Variants in MAP4K3 observed in about 807,000 individuals in gnomAD.
The protein encoded by MAP4K3 is mitogen-activated protein kinase kinase kinase kinase 3, also known as MAPK/ERK kinase kinase kinase 3.
Under a neutral mutation model 143.5 loss-of-function variants are expected in MAP4K3, and 94 were observed. The observed-to-expected ratio is 0.65, with a 90% CI of 0.55 to 0.78. The LOEUF (loss-of-function observed/expected upper bound fraction) is 0.78. Ranked by LOEUF, MAP4K3 falls within the 30% of genes least tolerant of loss-of-function variation. The pLI is 0.00. For synonymous variants in MAP4K3, 416 were observed against 347.2 expected, an observed-to-expected ratio of 1.20 and a Z score of -2.20; for missense variants, 1,077 against 1,068.1, an observed-to-expected ratio of 1.01 and a Z score of -0.12.
chr2:39,437,260 C>T lies in MAP4K3; in HGVS notation c.-273G>A, dbSNP rs1010713418. 3.9e-6 allele frequency: 1 copy of T among 257,238 alleles called. No individual in the cohort carries two copies. The highest frequency in any genetic ancestry group is 7.3e-6 in the Non-Finnish European group (1 of 136,328). The allele number at this position is 257,238 out of a possible 1,614,324, so 15.9% of individuals were successfully genotyped here. A position where few individuals can be genotyped will look rare whatever the true frequency, so the allele number is the denominator to read the frequency against. On this transcript the variant is annotated 5_prime_UTR_variant, in exon 1 of 34. Coordinates refer to ENST00000263881, the MANE Select transcript of MAP4K3 (RefSeq NM_003618.4). The stretch of plus-strand genomic sequence containing the variant: ...AGGAGAACCCTCGCAGCCCCTCGCT[C>T]GGGGTGAAACTCCAACATGGCTTCC...
At chr2:39,379,949 C>T (rs998629173) in intron 1 of MAP4K3, 4 of 155,334 alleles carry the variant, frequency 2.6e-5, no homozygotes, top group African/African-American at 9.7e-5. Context: ...GATTTACTAA[C>T]ACCAGCATAT....
chr2:39,352,078 G>C (rs1395300783), intron 3 of MAP4K3, among the ~76,000 whole-genome samples: 1 of 152,292 alleles, frequency 6.6e-6, no homozygotes, highest in African/African-American at 2.4e-5. Flanking sequence ...GGCTCACAAG[G>C]TCAGGAGTTA....
At chr2:39,304,737 C>A (rs1682636992) in intron 15 of MAP4K3, among the ~76,000 whole-genome samples, 1 of 152,146 alleles carries the variant, frequency 6.6e-6, no homozygotes, top group South Asian at 2.1e-4. Context: ...AGCAGGGACT[C>A]AAACAGATAT....
rs764471235 is a variant in MAP4K3, at chr2:39,349,233, CTTAT to C, written c.246-5785_246-5782del. Among the ~76,000 whole-genome samples, 45 of 152,224 alleles carry C rather than the reference CTTAT, an allele frequency of 3.0e-4. 1 individual carries two copies. In the East Asian group the frequency reaches 3.1e-3, roughly 10 times the overall value. ...CTGCTAGATGTTTTAATATAAATAA[CTTAT>C]TTAACGTGAAGAAAATTTTTAAACT... On this transcript the variant is annotated intron_variant, in intron 3 of 33. Coordinates refer to ENST00000263881, the MANE Select transcript of MAP4K3 (RefSeq NM_003618.4).
chr2:39,313,480 T>TC (rs889470427), intron 13 of MAP4K3, among the ~76,000 whole-genome samples: 4 of 152,052 alleles, frequency 2.6e-5, no homozygotes, highest in Non-Finnish European at 5.9e-5. Flanking sequence ...CCTTCCTTTC[T>TC]TTTTCTTTTC....
chr2:39,292,691 C>A lies in MAP4K3; in HGVS notation c.1271+82G>T, dbSNP rs555812138. On this transcript the variant is annotated intron_variant, in intron 18 of 33. Coordinates refer to ENST00000263881, the MANE Select transcript of MAP4K3 (RefSeq NM_003618.4). ...TATTGTGTTACTGATATTGAAATTT[C>A]CATCAATATTAAGCTGCCAGATTGA... 2.8e-6 allele frequency: 3 copies of A among 1,071,936 alleles called. No individual in the cohort carries two copies. The African/African-American group carries it at 4.7e-5, about 17-fold the overall frequency. The allele number at this position is 1,071,936 out of a possible 1,614,324, so 66.4% of individuals were successfully genotyped here.
chr2:39,257,108 C>T (rs746228478), intron 31 of MAP4K3, among the ~76,000 whole-genome samples: 2 of 152,178 alleles, frequency 1.3e-5, no homozygotes, highest in Non-Finnish European at 2.9e-5. Flanking sequence ...AGGAATAAGA[C>T]AATGAACTAA....
intron 2 of MAP4K3, among the ~76,000 whole-genome samples, chr2:39,366,774 C>T (rs909853463): frequency 2.0e-5 from 3 of 152,170 alleles, no homozygotes; most frequent in African/African-American, 7.2e-5. Flanking sequence ...CTCTGAAACA[C>T]TATATTAAAT....
chr2:39,375,854 G>A (rs1331183226), intron 2 of MAP4K3, among the ~76,000 whole-genome samples: 7 of 152,188 alleles, frequency 4.6e-5, no homozygotes, highest in African/African-American at 1.2e-4. Flanking sequence ...AGTTTTGTGT[G>A]TCTAGCTCCT....
chr2:39,424,559 G>C (rs1358993698), intron 1 of MAP4K3, among the ~76,000 whole-genome samples: 1 of 152,088 alleles, frequency 6.6e-6, no homozygotes, highest in Non-Finnish European at 1.5e-5. Flanking sequence ...GCCAGGCGCA[G>C]TGGCTCAAGC....
At chr2:39,280,420 G>T (rs1008972210) in intron 22 of MAP4K3, 64 bp from the exon 23 acceptor site, 23 of 891,500 alleles carry the variant, frequency 2.6e-5, no homozygotes, top group Non-Finnish European at 3.7e-5. Context: ...TATATAAAAT[G>T]TAACTATTAT....
At chr2:39,361,324 A>C (rs1665764404) in intron 2 of MAP4K3, among the ~76,000 whole-genome samples, 1 of 152,022 alleles carries the variant, frequency 6.6e-6, no homozygotes, top group African/African-American at 2.4e-5. Flanking sequence ...ATTTTTCCCC[A>C]TGTACCACAC....
At chr2:39,390,122 A>G (rs1444418334) in intron 1 of MAP4K3, among the ~76,000 whole-genome samples, 1 of 152,212 alleles carries the variant, frequency 6.6e-6, no homozygotes, top group Non-Finnish European at 1.5e-5. Context: ...TACTAACCCC[A>G]TAAAAATGGA....
intron 8 of MAP4K3, among the ~76,000 whole-genome samples, chr2:39,328,834 A>C (rs1356465101): frequency 6.6e-6 from 1 of 152,224 alleles, no homozygotes; most frequent in South Asian, 2.1e-4. Context: ...CCTTGATTCT[A>C]TATCAAAAGA....
intron 15 of MAP4K3, among the ~76,000 whole-genome samples, chr2:39,302,473 G>A (rs1281261844): frequency 6.6e-6 from 1 of 152,108 alleles, no homozygotes; most frequent in Non-Finnish European, 1.5e-5. Flanking sequence ...GAAATAAAAA[G>A]GAAAGGAACA....
At chr2:39,296,968 AAGCC>A (rs1682306880) in intron 16 of MAP4K3, among the ~76,000 whole-genome samples, 1 of 152,200 alleles carries the variant, frequency 6.6e-6, no homozygotes, top group African/African-American at 2.4e-5. Context: ...CTTATAGGAA[AAGCC>A]ATCTGGCATT....
In MAP4K3 at chr2:39,385,879, G is replaced by A. The variant is rs907109936; in HGVS notation, c.97-7756C>T. Among the ~76,000 whole-genome samples, 11 of 151,984 alleles carry A rather than the reference G, an allele frequency of 7.2e-5. No homozygotes were observed. In the East Asian group the frequency reaches 1.7e-3, roughly 24 times the overall value. On this transcript the variant is annotated intron_variant, in intron 1 of 33. Coordinates refer to ENST00000263881, the MANE Select transcript of MAP4K3 (RefSeq NM_003618.4). ...ACTCCTGACGTCAGGTGATCCACCC[G>A]TCTTGGCCTCCCAAAGTGCTGGGAT...
intron 2 of MAP4K3, among the ~76,000 whole-genome samples, chr2:39,372,636 C>A (rs988279837): frequency 1.3e-5 from 2 of 152,138 alleles, no homozygotes; most frequent in Middle Eastern, 3.4e-3. Flanking sequence ...TAAATCCAGA[C>A]ATGTACAGTG....
At position 39,344,339 on chromosome 2, in the gene MAP4K3, G is replaced by A. The variant is rs142479356; in HGVS notation, c.246-887C>T. ...TTGTACACCTCTGCAACTATGAATCGTTTTCCTATTTTAAAATGGCTGGGA... is the reference window on the plus strand; with the variant it reads ...TTGTACACCTCTGCAACTATGAATCATTTTCCTATTTTAAAATGGCTGGGA... On this transcript the variant is annotated intron_variant, in intron 3 of 33. Coordinates refer to ENST00000263881, the MANE Select transcript of MAP4K3 (RefSeq NM_003618.4). 5.3e-5 allele frequency among the ~76,000 whole-genome samples: 8 copies of A among 152,246 alleles called. No homozygotes were observed. The East Asian group carries it at 9.6e-4, about 18-fold the overall frequency.
Sources: gnomAD v4.1 joint callset for allele counts (sites outside exome capture counted in the v4.1 genomes callset) on GRCh38, gnomAD v4.1.1 for gene constraint, MANE v1.5 for transcripts, NCBI Gene and HGNC (gene_info 2026-07-23, HGNC 2026-07-21) for gene names.